CACNA1A: variants seen among roughly 807,000 people sequenced by gnomAD.
CACNA1A encodes the protein voltage-dependent P/Q-type calcium channel subunit alpha-1A.
In CACNA1A, 57 loss-of-function variants were observed where a neutral mutation model predicts 262.4. That is an observed-to-expected ratio of 0.22 (90% CI 0.18 to 0.27). The LOEUF is 0.27. Ranked by LOEUF, CACNA1A falls within the 10% of genes least tolerant of loss-of-function variation. CACNA1A has a pLI of 1.00. For synonymous variants in CACNA1A, 1,431 were observed against 1,419.3 expected (o/e 1.01, Z -0.18); for missense variants, 2,526 against 3,562.8 (o/e 0.71, Z 7.41).
At chr19:13,490,433 T>C (rs1041856252) in intron 1 of CACNA1A, among the ~76,000 whole-genome samples, 1 of 151,992 alleles carries the variant, frequency 6.6e-6, no homozygotes, top group Non-Finnish European at 1.5e-5. Flanking sequence ...TGAAACTCCA[T>C]CTCTACTAAA....
chr19:13,307,664 G>A (rs2057932786), intron 15 of CACNA1A, 118 bp downstream of exon 15: 1 of 741,308 alleles, frequency 1.3e-6, no homozygotes, highest in South Asian at 1.7e-5. Context: ...GTTTCAAAGT[G>A]GTGTGAAAAG....
In CACNA1A at chr19:13,415,925, G is replaced by A. The variant is rs114265273; in HGVS notation, c.539+36951C>T. On this transcript the variant is annotated intron_variant, in intron 3 of 46. Transcript: ENST00000360228. The stretch of plus-strand genomic sequence containing the variant: ...ACCAGTCTCTCACCAGCTGGCCTGT[G>A]TCTTCTACTGCACTGTGCTGGTCCC... 2.7e-3 allele frequency among the ~76,000 whole-genome samples: 405 copies of A among 152,036 alleles called. 1 individual carries two copies. The highest frequency in any genetic ancestry group is 9.3e-3 in the African/African-American group (385 of 41,494).
In CACNA1A at chr19:13,320,156, G is replaced by T. The variant is rs561505501; in HGVS notation, c.1346-2835C>A. On this transcript the variant is annotated intron_variant, in intron 10 of 46. Transcript: ENST00000360228. The stretch of plus-strand genomic sequence containing the variant: ...CCTGAAACTCTCAAAGATGTGTCCA[G>T]ATCTGCAGGTCTCCAAAGGGCTTGG... Among the ~76,000 whole-genome samples, 8 of 151,942 alleles carry T rather than the reference G, an allele frequency of 5.3e-5. No individual in the cohort carries two copies. The East Asian group carries it at 1.6e-3, about 29-fold the overall frequency.
chr19:13,224,805 C>T (rs2055374073), intron 37 of CACNA1A, 33 bp from the exon 38 acceptor site: 1 of 1,518,830 alleles, frequency 6.6e-7, no homozygotes, highest in Non-Finnish European at 9.0e-7. Context: ...GCAGTCATTC[C>T]CAGGCATCCC....
At position 13,506,299 on chromosome 19, in the gene CACNA1A, G is replaced by GCCC; in HGVS notation, c.-76_-75insGGG. 7.6e-7 allele frequency: 1 copy of GCCC among 1,308,488 alleles called. No homozygotes were observed. The highest frequency in any genetic ancestry group is 9.9e-7 in the Non-Finnish European group (1 of 1,012,194). The allele number at this position is 1,308,488 out of a possible 1,614,324, so 81.1% of individuals were successfully genotyped here. A position where few individuals can be genotyped will look rare whatever the true frequency, so the allele number is the denominator to read the frequency against. ...AGACGCCGCCGCCGCCGCCGCCGCC[G>GCCC]CTGATGCTGAGGCTGCCGGGGCTGG... is the stretch of plus-strand genomic sequence containing the variant. On this transcript the variant is annotated 5_prime_UTR_variant, in exon 1 of 47. Coordinates refer to ENST00000360228, the MANE Select transcript of CACNA1A (RefSeq NM_001127222.2).
chr19:13,501,929 C>T (rs1982420211), intron 1 of CACNA1A, among the ~76,000 whole-genome samples: 1 of 152,062 alleles, frequency 6.6e-6, no homozygotes, highest in African/African-American at 2.4e-5. Context: ...TTTGAAAATA[C>T]TCCCATTGGA....
At chr19:13,235,078 C>T in intron 33 of CACNA1A, 42 bp from the exon 34 acceptor site, 1 of 1,554,692 alleles carries the variant, frequency 6.4e-7, no homozygotes, top group Non-Finnish European at 8.9e-7. Context: ...GCCATTCCTC[C>T]AGTGGCTTCT....
At chr19:13,224,634 G>T (rs1293216309) in intron 38 of CACNA1A, 33 bp downstream of exon 38, 1 of 1,468,504 alleles carries the variant, frequency 6.8e-7, no homozygotes, top group East Asian at 2.4e-5. Context: ...ACCCTGTCAC[G>T]CCTGTCTGTG....
At chr19:13,469,772 T>C (rs1473943504) in intron 1 of CACNA1A, among the ~76,000 whole-genome samples, 1 of 151,836 alleles carries the variant, frequency 6.6e-6, no homozygotes, top group African/African-American at 2.4e-5. Context: ...CCACCTCCTC[T>C]TTAACCACCT....
At position 13,212,766 on chromosome 19, in the gene CACNA1A, T is replaced by A; in HGVS notation, c.5941-26A>T. ...CTGGGGAATGGGGCAGAGAGCAGTG[T>A]GTGGACAAGGGTGGGGTGGTGGGAC... On this transcript the variant is annotated intron_variant, in intron 40 of 46. Transcript: ENST00000360228. The surrounding 1 kb of genome is among the most constrained non-coding windows in gnomAD (Gnocchi z 5.6). 4 of 1,345,700 alleles carry A rather than the reference T, an allele frequency of 3.0e-6. No homozygotes were observed. In the South Asian group the frequency reaches 6.1e-5, roughly 20 times the overall value. The allele number at this position is 1,345,700 out of a possible 1,614,324, so 83.4% of individuals were successfully genotyped here.
Position 13,506,072 on chromosome 19 carries a change from T to C in CACNA1A, c.153A>G (p.Ser51=). The change falls in exon 1 of 47, where the codon TCA becomes TCG. Residue 51 remains serine, a synonymous_variant. Coordinates refer to ENST00000360228, the MANE Select transcript of CACNA1A (RefSeq NM_001127222.2). ...QPGAQRMYKQ[S]MAQRARTMAL... is the part of the protein sequence containing the mutation. ...CCATGGTCCGCGCTCTCTGCGCCAT[T>C]GACTGCTTGTACATCCTTTGCGCCC... The C allele has an allele frequency of 1.2e-6, 2 of 1,613,818 alleles. No homozygotes were observed. The highest frequency in any genetic ancestry group is 1.7e-6 in the Non-Finnish European group (2 of 1,179,834).
At chr19:13,338,172 A>C (rs140595429) in intron 6 of CACNA1A, among the ~76,000 whole-genome samples, 1 of 152,226 alleles carries the variant, frequency 6.6e-6, no homozygotes, top group Non-Finnish European at 1.5e-5. Context: ...CGGAGATCAC[A>C]CCACTGCACT....
At chr19:13,388,790 GC>G (rs1568598160) in intron 3 of CACNA1A, among the ~76,000 whole-genome samples, 2 of 152,054 alleles carry the variant, frequency 1.3e-5, no homozygotes, top group African/African-American at 4.8e-5. Context: ...GTGCATTCTC[GC>G]AAAAACACGT....
At chr19:13,344,173 T>A (rs2058721803) in intron 6 of CACNA1A, among the ~76,000 whole-genome samples, 1 of 144,660 alleles carries the variant, frequency 6.9e-6, no homozygotes, top group African/African-American at 2.6e-5. Context: ...AAGATCATGC[T>A]GCTGTACTCC....
rs4926150 is a variant in CACNA1A at position 13,334,077 on chromosome 19, C to G, written c.1198+301G>C. On this transcript the variant is annotated intron_variant, in intron 8 of 46. Coordinates refer to ENST00000360228, the MANE Select transcript of CACNA1A (RefSeq NM_001127222.2). ...AGGCACTACCATCGCCTCCATGTAA[C>G]AGCTGAGGAAACGGAGGTACAGGGA... 204,119 of 314,126 alleles carry G rather than the reference C, an allele frequency of 0.65. 67,149 individuals carry two copies. The highest frequency in any genetic ancestry group is 0.74 in the Admixed American group (16,484 of 22,278). The allele number at this position is 314,126 out of a possible 1,614,324, so 19.5% of individuals were successfully genotyped here. A position where few individuals can be genotyped will look rare whatever the true frequency, so the allele number is the denominator to read the frequency against.
At chr19:13,494,658 A>G (rs1176243382) in intron 1 of CACNA1A, among the ~76,000 whole-genome samples, 1 of 152,216 alleles carries the variant, frequency 6.6e-6, no homozygotes, top group Non-Finnish European at 1.5e-5. Flanking sequence ...AAGAGGTTCA[A>G]TTGACTCACA....
intron 3 of CACNA1A, among the ~76,000 whole-genome samples, chr19:13,429,452 G>A (rs968297881): frequency 3.0e-5 from 4 of 134,772 alleles, no homozygotes; most frequent in African/African-American, 1.1e-4. Context: ...CTCCCGGGGT[G>A]TTTTTAAAAA....
rs1274008509 is a variant in CACNA1A at position 13,308,284 on chromosome 19, A to G, written c.1782-33T>C. 1.3e-6 allele frequency: 2 copies of G among 1,597,244 alleles called. No individual in the cohort carries two copies. The highest frequency in any genetic ancestry group is 1.7e-5 in the Admixed American group (1 of 58,344). On this transcript the variant is annotated intron_variant, in intron 13 of 46. Coordinates refer to ENST00000360228, the MANE Select transcript of CACNA1A (RefSeq NM_001127222.2). This position sits in a 1 kb window ranked among gnomAD's most constrained non-coding sequence, Gnocchi z 4.2. ...CAGAGGCCAGGCGAGGACTCAGGCC[A>G]GGCGGGGGAGGCAGGGCCCCGGAGT...
At chr19:13,296,771 AT>A (rs1191919586) in intron 19 of CACNA1A, among the ~76,000 whole-genome samples, 1 of 151,904 alleles carries the variant, frequency 6.6e-6, no homozygotes, top group Non-Finnish European at 1.5e-5. Flanking sequence ...TTTTTATTTT[AT>A]TTTTTGAGAC....
Sources: gnomAD v4.1 joint callset for allele counts (sites outside exome capture counted in the v4.1 genomes callset) on GRCh38, gnomAD v4.1.1 for gene constraint, Gnocchi (gnomAD v3.1) non-coding constraint, MANE v1.5 for transcripts, NCBI Gene and HGNC (gene_info 2026-07-23, HGNC 2026-07-21) for gene names.